Variants in AASS observed in about 807,000 individuals in gnomAD.
The protein encoded by AASS is alpha-aminoadipic semialdehyde synthase, mitochondrial.
AASS carries 86 observed loss-of-function variants against 105.4 expected under a neutral mutation model. The observed-to-expected ratio is 0.82, with a 90% CI of 0.69 to 0.98. The LOEUF (loss-of-function observed/expected upper bound fraction) is 0.98. Ranked by LOEUF, AASS falls within the 50% of genes least tolerant of loss-of-function variation. AASS has a pLI of 0.00. For synonymous variants in AASS, 381 were observed against 394.8 expected (o/e 0.96, Z 0.41); for missense variants, 1,048 against 1,143.2 (o/e 0.92, Z 1.20).
intron 18 of AASS, among the ~76,000 whole-genome samples, chr7:122,091,257 C>A (rs1328250608): frequency 1.3e-5 from 2 of 152,106 alleles, no homozygotes; most frequent in Non-Finnish European, 1.5e-5. Context: ...ATTATAGTTT[C>A]TTTCCCCAGC....
At chr7:122,136,674 C>A (rs1796155216) in intron 1 of AASS, among the ~76,000 whole-genome samples, 1 of 152,178 alleles carries the variant, frequency 6.6e-6, no homozygotes, top group South Asian at 2.1e-4. Flanking sequence ...TGTCCAGAAA[C>A]CATCCCATCT....
intron 15 of AASS, among the ~76,000 whole-genome samples, chr7:122,095,678 TAAA>T (rs1794118286): frequency 6.6e-6 from 1 of 152,026 alleles, no homozygotes; most frequent in Non-Finnish European, 1.5e-5. Context: ...TAATGCAGAA[TAAA>T]ATTGTGTATG....
At chr7:122,110,945 C>T (rs1308095480) in intron 11 of AASS, among the ~76,000 whole-genome samples, 1 of 152,058 alleles carries the variant, frequency 6.6e-6, no homozygotes, top group Non-Finnish European at 1.5e-5. Context: ...AACCAATTGA[C>T]ACAATTCACA....
chr7:122,078,741 T>C lies in AASS; in HGVS notation c.2485+121A>G, dbSNP rs950090715. The C allele has an allele frequency of 6.3e-5, 57 of 910,354 alleles. 3 individuals are homozygous for C. 56.4% of individuals were successfully genotyped at this position (910,354 alleles called of 1,614,324 possible). On this transcript the variant is annotated intron_variant, in intron 22 of 23. Transcript: ENST00000417368. ...CTGGAAAAATAGTCCAATTGCCCTT[T>C]TCTTCATATCACATCTTCCCATTCC...
At chr7:122,098,118 G>T (rs1794253333) in intron 15 of AASS, among the ~76,000 whole-genome samples, 1 of 151,950 alleles carries the variant, frequency 6.6e-6, no homozygotes, top group African/African-American at 2.4e-5. Context: ...CCAATTATAT[G>T]AAGTCTGAAA....
chr7:122,107,752 G>T (rs899701767), intron 11 of AASS, among the ~76,000 whole-genome samples: 1 of 152,058 alleles, frequency 6.6e-6, no homozygotes, highest in Non-Finnish European at 1.5e-5. Flanking sequence ...CTTCCTGAGG[G>T]AGAAGGGAGA....
intron 9 of AASS, 151 bp from the exon 10 acceptor site, chr7:122,113,871 C>A: frequency 1.5e-6 from 1 of 671,426 alleles, no homozygotes; most frequent in Non-Finnish European, 2.5e-6. Context: ...TTCTTCAGGA[C>A]TCTGCACTGT....
At chr7:122,092,295 C>T (rs1357783621) in intron 17 of AASS, among the ~76,000 whole-genome samples, 2 of 151,964 alleles carry the variant, frequency 1.3e-5, no homozygotes, top group Admixed American at 6.6e-5. Context: ...ATTGCTGATA[C>T]CCAAAGATTC....
Position 122,079,617 on chromosome 7 carries a change from G to A in AASS, c.2376C>T (p.Thr792=), listed in dbSNP as rs765698186. 1.2e-6 allele frequency: 2 copies of A among 1,613,406 alleles called. No homozygotes were observed. The highest frequency in any genetic ancestry group is 1.3e-5 in the African/African-American group (1 of 74,886). ...CCTACCATTCAGCAGCCTCCAACTG[G>A]GTATTGTCTCCTCCTAGTTTCTTAA... ...AVLKKLGGDN[T]QLEAAEWLGL... is the part of the protein sequence containing the mutation. The change falls in exon 21 of 24, where the codon ACC becomes ACT. Residue 792 remains threonine (T), a synonymous_variant. Transcript: ENST00000417368.
intron 11 of AASS, among the ~76,000 whole-genome samples, chr7:122,111,619 C>T (rs895353497): frequency 1.3e-5 from 2 of 152,050 alleles, no homozygotes; most frequent in South Asian, 2.1e-4. Context: ...ATTATGTATT[C>T]GTGGCTGGGC....
intron 2 of AASS, among the ~76,000 whole-genome samples, chr7:122,132,558 T>G (rs1310701654): frequency 6.6e-6 from 1 of 152,196 alleles, no homozygotes; most frequent in East Asian, 1.9e-4. Context: ...GAGCTCTCAC[T>G]GTAACCACCT....
chr7:122,124,469 G>A (rs1009262553), intron 4 of AASS, among the ~76,000 whole-genome samples: 2 of 152,168 alleles, frequency 1.3e-5, no homozygotes, highest in African/African-American at 4.8e-5. Flanking sequence ...TTTTAGTAGA[G>A]AAGGGGTTTC....
intron 15 of AASS, among the ~76,000 whole-genome samples, chr7:122,096,447 G>A (rs1014606674): frequency 6.6e-6 from 1 of 151,956 alleles, no homozygotes; most frequent in African/African-American, 2.4e-5. Flanking sequence ...GAGCAACATG[G>A]TGATATCCCA....
At chr7:122,094,619 C>G (rs1381181981) in intron 15 of AASS, among the ~76,000 whole-genome samples, 1 of 152,078 alleles carries the variant, frequency 6.6e-6, no homozygotes, top group Admixed American at 6.6e-5. Context: ...TGGATATACT[C>G]ATTTATATAA....
intron 11 of AASS, among the ~76,000 whole-genome samples, chr7:122,112,310 C>CT (rs1794978073): frequency 6.6e-6 from 1 of 152,176 alleles, no homozygotes; most frequent in Admixed American, 6.5e-5. Flanking sequence ...ACAGTGCCTG[C>CT]TGCCTGCATT....
intron 19 of AASS, among the ~76,000 whole-genome samples, chr7:122,084,835 C>T (rs1328658222): frequency 6.6e-6 from 1 of 151,928 alleles, no homozygotes; most frequent in African/African-American, 2.4e-5. Context: ...ACACATGAGA[C>T]AAATCCCCTC....
chr7:122,136,217 C>A (rs750137718), intron 1 of AASS, among the ~76,000 whole-genome samples: 1 of 152,142 alleles, frequency 6.6e-6, no homozygotes, highest in Non-Finnish European at 1.5e-5. Flanking sequence ...GAAGGCTTGA[C>A]CAAACAATTA....
chr7:122,095,987 C>T (rs1794137313), intron 15 of AASS, among the ~76,000 whole-genome samples: 1 of 151,988 alleles, frequency 6.6e-6, no homozygotes, highest in South Asian at 2.1e-4. Context: ...TAGGACTTTG[C>T]CTGTGGTACT....
intron 22 of AASS, 83 bp from the exon 23 acceptor site, chr7:122,078,097 C>A (rs1015177150): frequency 7.3e-7 from 1 of 1,375,478 alleles, no homozygotes; most frequent in South Asian, 1.2e-5. Context: ...CCCTTCTGGT[C>A]TTAAAAGTTT....
Sources: allele counts gnomAD v4.1 joint callset (sites outside exome capture counted in the v4.1 genomes callset), GRCh38; gene constraint gnomAD v4.1.1; transcripts MANE v1.5; gene names NCBI Gene and HGNC (gene_info 2026-07-23, HGNC 2026-07-21).